The following LINGO2 variants were observed in gnomAD, a reference collection of about 807,000 sequenced individuals.
LINGO2 encodes leucine-rich repeat and immunoglobulin-like domain-containing nogo receptor-interacting protein 2.
Under a neutral mutation model 30.6 loss-of-function variants are expected in LINGO2, and 14 were observed. That is an observed-to-expected ratio of 0.46 (90% confidence interval 0.30 to 0.72). The LOEUF is 0.72. Among genes scored for constraint, LINGO2 ranks in the 30% least tolerant of loss-of-function variants. The pLI, the probability that LINGO2 is intolerant of heterozygous loss-of-function variation, is 0.07. For synonymous variants in LINGO2, 317 were observed against 288.5 expected (o/e 1.10, Z -1.00); for missense variants, 729 against 751.7 (o/e 0.97, Z 0.35).
chr9:28,068,189 C>A (rs994305598), intron 4 of LINGO2, among the ~76,000 whole-genome samples: 2 of 152,076 alleles, frequency 1.3e-5, no homozygotes, highest in African/African-American at 4.8e-5. Flanking sequence ...GCTCGGCCTG[C>A]CATAACAAAA....
At chr9:28,017,753 G>A (rs1172558121) in intron 4 of LINGO2, among the ~76,000 whole-genome samples, 1 of 152,160 alleles carries the variant, frequency 6.6e-6, no homozygotes, top group Non-Finnish European at 1.5e-5. Flanking sequence ...TGGATAGGAA[G>A]AATCAATACT....
the LINGO2 span, among the ~76,000 whole-genome samples, chr9:28,926,067 C>A: frequency 3.3e-5 from 5 of 152,180 alleles, no homozygotes; most frequent in East Asian, 9.6e-4. Context: ...ATAATCCTAG[C>A]ACTTTGGGAG....
chr9:29,016,325 G>C, the LINGO2 span, among the ~76,000 whole-genome samples: 1 of 152,152 alleles, frequency 6.6e-6, no homozygotes, highest in African/African-American at 2.4e-5. Flanking sequence ...CAGTCACTCA[G>C]TTCATAAATT....
the LINGO2 span, among the ~76,000 whole-genome samples, chr9:28,797,297 T>C: frequency 0.03 from 4,344 of 145,968 alleles, 233 homozygotes; most frequent in African/African-American, 0.1. Flanking sequence ...TATGCATATA[T>C]ATACAGCAAT....
intron 4 of LINGO2, among the ~76,000 whole-genome samples, chr9:28,240,887 C>T (rs1476022785): frequency 6.6e-6 from 1 of 152,112 alleles, no homozygotes; most frequent in Non-Finnish European, 1.5e-5. Context: ...AGTGAAGAGA[C>T]AAATCACAGA....
chr9:28,548,041 T>A (rs577863646), intron 1 of LINGO2, among the ~76,000 whole-genome samples: 1 of 151,964 alleles, frequency 6.6e-6, no homozygotes, highest in Non-Finnish European at 1.5e-5. Flanking sequence ...GCAGTGAAAA[T>A]CCACCCAAGG....
the LINGO2 span, among the ~76,000 whole-genome samples, chr9:29,066,091 G>A: frequency 6.6e-6 from 1 of 151,822 alleles, no homozygotes; most frequent in African/African-American, 2.4e-5. Context: ...GTATCATAAG[G>A]GGAGAGAAAA....
intron 3 of LINGO2, among the ~76,000 whole-genome samples, chr9:28,308,110 C>G (rs1343439939): frequency 7.2e-6 from 1 of 139,576 alleles, no homozygotes; most frequent in Admixed American, 7.2e-5. Flanking sequence ...CAAAAAAGAG[C>G]CCTCATCGCC....
At chr9:29,067,779 G>A in the LINGO2 span, among the ~76,000 whole-genome samples, 1 of 148,862 alleles carries the variant, frequency 6.7e-6, no homozygotes, top group East Asian at 1.9e-4. Flanking sequence ...AACCCACTAG[G>A]GCTAATGAGC....
At chr9:29,204,649 C>T in the LINGO2 span, among the ~76,000 whole-genome samples, 2 of 152,086 alleles carry the variant, frequency 1.3e-5, no homozygotes, top group Non-Finnish European at 2.9e-5. Flanking sequence ...TTTCACTTAC[C>T]GTCTTATTAA....
At chr9:28,730,199 C>T in the LINGO2 span, among the ~76,000 whole-genome samples, 1 of 151,964 alleles carries the variant, frequency 6.6e-6, no homozygotes, top group African/African-American at 2.4e-5. Context: ...GCCAGTGATC[C>T]AGCATAAGTG....
chr9:28,692,373 G>T, the LINGO2 span, among the ~76,000 whole-genome samples: 1 of 152,106 alleles, frequency 6.6e-6, no homozygotes, highest in Non-Finnish European at 1.5e-5. Context: ...CATTCAGGAG[G>T]CTGAGGCAGG....
chr9:29,014,064 A>G, the LINGO2 span, among the ~76,000 whole-genome samples: 1 of 151,330 alleles, frequency 6.6e-6, no homozygotes, highest in Non-Finnish European at 1.5e-5. Flanking sequence ...AAATCCATTC[A>G]TTTTTTTTCT....
intron 5 of LINGO2, among the ~76,000 whole-genome samples, chr9:27,990,623 TC>T (rs1381740471): frequency 6.6e-6 from 1 of 151,968 alleles, no homozygotes; most frequent in African/African-American, 2.4e-5. Flanking sequence ...TTTTTAACAC[TC>T]CTGTGGGGAG....
At chr9:28,556,978 C>T (rs1300710881) in intron 1 of LINGO2, among the ~76,000 whole-genome samples, 1 of 151,984 alleles carries the variant, frequency 6.6e-6, no homozygotes, top group Non-Finnish European at 1.5e-5. Context: ...CTTCCTTACA[C>T]CTTATACAAA....
chr9:29,174,520 C>A, the LINGO2 span, among the ~76,000 whole-genome samples: 1 of 152,068 alleles, frequency 6.6e-6, no homozygotes, highest in African/African-American at 2.4e-5. Context: ...AACTACTTAA[C>A]AGAAATTTCA....
the LINGO2 span, among the ~76,000 whole-genome samples, chr9:29,083,236 T>G: frequency 6.6e-6 from 1 of 152,160 alleles, no homozygotes; most frequent in South Asian, 2.1e-4. Flanking sequence ...ATATGCACCA[T>G]GGAATACCAT....
At chr9:28,087,156 T>C (rs1349872156) in intron 4 of LINGO2, among the ~76,000 whole-genome samples, 1 of 151,986 alleles carries the variant, frequency 6.6e-6, no homozygotes, top group East Asian at 1.9e-4. Flanking sequence ...ACCAGTTAGC[T>C]CCTAGTCCAC....
At chr9:28,296,399 CAGAAAGGGCTT>C (rs1181874877) in intron 3 of LINGO2, among the ~76,000 whole-genome samples, 2 of 152,116 alleles carry the variant, frequency 1.3e-5, no homozygotes, top group Non-Finnish European at 2.9e-5. Flanking sequence ...ACGTAGTGCA[CAGAAAGGGCTT>C]AGAGGTTATT....
Sources: allele counts gnomAD v4.1 joint callset (sites outside exome capture counted in the v4.1 genomes callset), GRCh38; gene constraint gnomAD v4.1.1; transcripts MANE v1.5; gene names NCBI Gene and HGNC (gene_info 2026-07-23, HGNC 2026-07-21).